The following SNTG1 variants were observed in gnomAD, a reference collection of about 807,000 sequenced individuals.
SNTG1 encodes the protein gamma-1-syntrophin.
In SNTG1, 39 loss-of-function variants were observed where a neutral mutation model predicts 74.7. The ratio of observed to expected loss-of-function variants is 0.52; its 90% confidence interval spans 0.40 to 0.68. SNTG1 has a LOEUF of 0.68. Ranked by LOEUF, SNTG1 falls within the 30% of genes least tolerant of loss-of-function variation. The pLI is 0.00. For synonymous variants in SNTG1, 254 were observed against 217.1 expected, an observed-to-expected ratio of 1.17 and a Z score of -1.49; for missense variants, 685 against 609.5, an observed-to-expected ratio of 1.12 and a Z score of -1.30.
chr8:50,437,237 TC>T (rs1330645381), intron 4 of SNTG1, among the ~76,000 whole-genome samples: 1 of 152,120 alleles, frequency 6.6e-6, no homozygotes, highest in Non-Finnish European at 1.5e-5. Flanking sequence ...AATAATAATT[TC>T]TAAGTAAATA....
chr8:50,590,043 T>C (rs2094681719), intron 12 of SNTG1, among the ~76,000 whole-genome samples: 2 of 152,192 alleles, frequency 1.3e-5, no homozygotes, highest in Non-Finnish European at 2.9e-5. Flanking sequence ...TTGTGTACTT[T>C]TTCTGTTTAA....
intron 1 of SNTG1, among the ~76,000 whole-genome samples, chr8:49,916,407 G>C (rs900370350): frequency 1.3e-5 from 2 of 151,966 alleles, no homozygotes; most frequent in African/African-American, 4.8e-5. Flanking sequence ...CAATTTGTCA[G>C]CAAAGATAAA....
At chr8:50,521,526 T>C (rs748600911) in intron 9 of SNTG1, among the ~76,000 whole-genome samples, 1 of 152,176 alleles carries the variant, frequency 6.6e-6, no homozygotes, top group Non-Finnish European at 1.5e-5. Context: ...AGAGTGGTGG[T>C]TGCTGAAGTT....
chr8:50,736,805 A>G (rs1261709852), intron 17 of SNTG1, among the ~76,000 whole-genome samples: 1 of 152,150 alleles, frequency 6.6e-6, no homozygotes, highest in Non-Finnish European at 1.5e-5. Context: ...AAACTGAACA[A>G]CCTGCTCCTG....
intron 8 of SNTG1, among the ~76,000 whole-genome samples, chr8:50,469,204 C>A (rs1488618569): frequency 6.6e-6 from 1 of 152,002 alleles, no homozygotes; most frequent in Non-Finnish European, 1.5e-5. Flanking sequence ...TATTGTTTGC[C>A]GGATTAAGTG....
intron 1 of SNTG1, among the ~76,000 whole-genome samples, chr8:50,071,327 G>A (rs1377975111): frequency 1.3e-5 from 2 of 152,208 alleles, no homozygotes; most frequent in Non-Finnish European, 2.9e-5. Context: ...ACCTCCTAAA[G>A]TAGCTAAGAC....
chr8:50,178,157 T>C (rs1211742511), intron 2 of SNTG1, among the ~76,000 whole-genome samples: 3 of 152,210 alleles, frequency 2.0e-5, no homozygotes, highest in Admixed American at 2.0e-4. Context: ...ATTCAGACCT[T>C]ACATAAGCTT....
chr8:49,917,328 A>G (rs1806136222), intron 1 of SNTG1, among the ~76,000 whole-genome samples: 1 of 152,132 alleles, frequency 6.6e-6, no homozygotes, highest in Non-Finnish European at 1.5e-5. Flanking sequence ...CTTTCCTTCC[A>G]CATCTGTCAT....
chr8:49,932,313 C>A (rs1256139763), intron 1 of SNTG1, among the ~76,000 whole-genome samples: 2 of 152,048 alleles, frequency 1.3e-5, no homozygotes, highest in African/African-American at 4.8e-5. Context: ...GTTGTTTAAT[C>A]CTAATGCAAT....
intron 2 of SNTG1, among the ~76,000 whole-genome samples, chr8:50,242,742 AT>A (rs1300247294): frequency 6.7e-6 from 1 of 150,006 alleles, no homozygotes; most frequent in Non-Finnish European, 1.5e-5. Context: ...TATTACTATA[AT>A]AATTACTATA....
intron 1 of SNTG1, among the ~76,000 whole-genome samples, chr8:49,933,351 G>T (rs575961704): frequency 6.6e-6 from 1 of 152,080 alleles, no homozygotes; most frequent in Non-Finnish European, 1.5e-5. Context: ...TATAATTAGC[G>T]ACTTTTTGAT....
At chr8:50,288,081 C>T (rs1171989326) in intron 2 of SNTG1, among the ~76,000 whole-genome samples, 2 of 152,142 alleles carry the variant, frequency 1.3e-5, no homozygotes, top group African/African-American at 4.8e-5. Flanking sequence ...GATGCACTCA[C>T]TTATTCATAT....
chr8:50,325,935 A>G (rs1266163436), intron 2 of SNTG1, among the ~76,000 whole-genome samples: 2 of 151,852 alleles, frequency 1.3e-5, no homozygotes, highest in Non-Finnish European at 2.9e-5. Context: ...AGTTTTCTTC[A>G]TGAACAGATG....
intron 17 of SNTG1, among the ~76,000 whole-genome samples, chr8:50,731,454 C>T (rs2095512833): frequency 6.6e-6 from 1 of 152,100 alleles, no homozygotes; most frequent in Non-Finnish European, 1.5e-5. Flanking sequence ...GATCTCATTA[C>T]TATATCTTGA....
At chr8:50,722,404 G>A (rs904636695) in intron 17 of SNTG1, among the ~76,000 whole-genome samples, 4 of 151,864 alleles carry the variant, frequency 2.6e-5, no homozygotes, top group African/African-American at 7.3e-5. Flanking sequence ...CTGAACTCCT[G>A]ACCTCAACTG....
Position 50,222,174 on chromosome 8 carries a change from G to T in SNTG1, c.-28+49539G>T, listed in dbSNP as rs367778564. Among the ~76,000 whole-genome samples the T allele has an allele frequency of 2.0e-5, 3 of 152,282 alleles. No individual in the cohort carries two copies. In the East Asian group the frequency reaches 5.8e-4, roughly 29 times the overall value. On this transcript the variant is annotated intron_variant, in intron 2 of 18. Coordinates refer to ENST00000642720, the MANE Select transcript of SNTG1 (RefSeq NM_018967.5). ...TCTAGACTAGTAAATTGGAGAAGTT[G>T]CAAACCTTGTGACCTCTGGAATAAT...
intron 1 of SNTG1, among the ~76,000 whole-genome samples, chr8:50,141,371 T>C (rs931834718): frequency 6.6e-6 from 1 of 152,218 alleles, no homozygotes; most frequent in Non-Finnish European, 1.5e-5. Flanking sequence ...GTTTCACTTT[T>C]GTTTTTAATT....
intron 1 of SNTG1, among the ~76,000 whole-genome samples, chr8:49,975,566 A>G (rs1241525385): frequency 6.6e-6 from 1 of 152,166 alleles, no homozygotes; most frequent in Non-Finnish European, 1.5e-5. Flanking sequence ...GGATGAGAAT[A>G]TGAAGCTGAT....
intron 9 of SNTG1, among the ~76,000 whole-genome samples, chr8:50,505,868 G>A (rs2094002062): frequency 1.3e-5 from 2 of 151,974 alleles, no homozygotes; most frequent in South Asian, 4.1e-4. Flanking sequence ...CTGTAGTCAA[G>A]TCTATTTTTG....
Sources: gnomAD v4.1 joint callset for allele counts (sites outside exome capture counted in the v4.1 genomes callset) on GRCh38, gnomAD v4.1.1 for gene constraint, MANE v1.5 for transcripts, NCBI Gene and HGNC (gene_info 2026-07-23, HGNC 2026-07-21) for gene names.